The following AKT3 variants were observed in gnomAD, a reference collection of about 807,000 sequenced individuals.
AKT3 encodes RAC-gamma serine/threonine-protein kinase.
A neutral mutation model predicts 65.3 loss-of-function variants in AKT3; 15 were observed. The ratio of observed to expected loss-of-function variants is 0.23; its 90% confidence interval spans 0.15 to 0.35. AKT3 has a LOEUF of 0.35. Among genes scored for constraint, AKT3 ranks in the 10% least tolerant of loss-of-function variants. The pLI is 1.00. For synonymous variants in AKT3, 206 were observed against 183.8 expected (o/e 1.12, Z -0.98); for missense variants, 243 against 576.5 (o/e 0.42, Z 5.92).
At chr1:243,657,214 G>A (rs930627018) in intron 4 of AKT3, among the ~76,000 whole-genome samples, 22 of 152,116 alleles carry the variant, frequency 1.4e-4, no homozygotes, top group African/African-American at 5.1e-4. Context: ...CAATACAGGG[G>A]AAAGACACCT....
chr1:243,560,271 ATCT>A (rs1254329441), intron 10 of AKT3, among the ~76,000 whole-genome samples: 4 of 152,142 alleles, frequency 2.6e-5, no homozygotes, highest in African/African-American at 9.7e-5. Context: ...GGGCAAAAAC[ATCT>A]TCTACCATCG....
At chr1:243,661,112 C>T (rs1484779515) in intron 4 of AKT3, among the ~76,000 whole-genome samples, 12 of 152,144 alleles carry the variant, frequency 7.9e-5, no homozygotes, top group South Asian at 2.1e-4. Context: ...GAATCAATAT[C>T]GTGAAAACGG....
At chr1:243,736,539 A>C (rs1444604778) in intron 2 of AKT3, among the ~76,000 whole-genome samples, 6 of 152,214 alleles carry the variant, frequency 3.9e-5, no homozygotes. Context: ...CCTACCAATA[A>C]AGGTTTAAAA....
intron 13 of AKT3, among the ~76,000 whole-genome samples, chr1:243,492,242 C>G (rs12141898): frequency 1.3e-5 from 2 of 149,352 alleles, no homozygotes; most frequent in Non-Finnish European, 3.0e-5. Flanking sequence ...CCGGCGCTGT[C>G]TGCGGTGGGC....
intron 11 of AKT3, among the ~76,000 whole-genome samples, chr1:243,545,897 T>G (rs1672633451): frequency 6.6e-6 from 1 of 152,146 alleles, no homozygotes; most frequent in African/African-American, 2.4e-5. Flanking sequence ...TAACCTCAGT[T>G]TTCTCATCTG....
chr1:243,777,734 C>T (rs1690647553), intron 2 of AKT3, among the ~76,000 whole-genome samples: 4 of 151,948 alleles, frequency 2.6e-5, no homozygotes, highest in Admixed American at 2.0e-4. Context: ...TAACAGGTGC[C>T]CCATCTCTCA....
intron 5 of AKT3, among the ~76,000 whole-genome samples, chr1:243,644,554 G>T (rs1216812421): frequency 6.6e-6 from 1 of 151,964 alleles, no homozygotes; most frequent in East Asian, 1.9e-4. Context: ...TGTTTAAAGT[G>T]TTTATGTAAT....
At chr1:243,557,566 T>C (rs1353102689) in intron 10 of AKT3, among the ~76,000 whole-genome samples, 2 of 151,996 alleles carry the variant, frequency 1.3e-5, no homozygotes, top group Non-Finnish European at 2.9e-5. Flanking sequence ...AATTATGAGA[T>C]AAAATGGAAT....
rs541356483 is a variant in AKT3 at position 243,834,738 on chromosome 1, TA to T, written c.46+8386del. On this transcript the variant is annotated intron_variant, in intron 2 of 13. Transcript: ENST00000673466. ...TAATGTATTCTGGAAACTAAAAGTT[TA>T]AAAAAAAAAGCTAAGGAAAAGTTCT... 5.5e-5 allele frequency among the ~76,000 whole-genome samples: 8 copies of T among 144,818 alleles called. No homozygotes were observed. The South Asian group carries it at 6.7e-4, about 12-fold the overall frequency.
intron 12 of AKT3, among the ~76,000 whole-genome samples, chr1:243,520,311 C>T (rs1670642553): frequency 1.3e-5 from 2 of 152,212 alleles, no homozygotes; most frequent in Admixed American, 6.5e-5. Context: ...CACGGACAGA[C>T]ACCTCAGAAG....
intron 8 of AKT3, among the ~76,000 whole-genome samples, chr1:243,573,674 T>C (rs983921436): frequency 6.6e-6 from 1 of 152,204 alleles, no homozygotes; most frequent in Non-Finnish European, 1.5e-5. Flanking sequence ...ATTATTCCTA[T>C]TGCAGTTCTC....
chr1:243,589,215 A>T (rs1676027031), intron 8 of AKT3, among the ~76,000 whole-genome samples: 1 of 150,542 alleles, frequency 6.6e-6, no homozygotes, highest in Non-Finnish European at 1.5e-5. Flanking sequence ...CTGAGGCAGG[A>T]GAATCGCTTG....
At chr1:243,627,860 A>G (rs1262357247) in intron 6 of AKT3, among the ~76,000 whole-genome samples, 1 of 152,222 alleles carries the variant, frequency 6.6e-6, no homozygotes, top group Non-Finnish European at 1.5e-5. Flanking sequence ...GCTAAATCCA[A>G]TCCGTAAAAC....
At chr1:243,682,921 T>C (rs187147826) in intron 3 of AKT3, among the ~76,000 whole-genome samples, 82 of 152,348 alleles carry the variant, frequency 5.4e-4, no homozygotes, top group Non-Finnish European at 9.4e-4. Flanking sequence ...TGTAACTGCA[T>C]GTATTAATTG....
At chr1:243,606,801 G>C (rs1677462306) in intron 8 of AKT3, among the ~76,000 whole-genome samples, 1 of 152,234 alleles carries the variant, frequency 6.6e-6, no homozygotes, top group Non-Finnish European at 1.5e-5. Flanking sequence ...AGTTTTGTGG[G>C]CCAGGGCCAG....
At chr1:243,841,585 A>G (rs1480381844) in intron 2 of AKT3, among the ~76,000 whole-genome samples, 3 of 152,256 alleles carry the variant, frequency 2.0e-5, no homozygotes, top group East Asian at 3.8e-4. Context: ...GGTCAGGCAC[A>G]TCGGAAAACA....
chr1:243,775,245 A>G (rs1164316426), intron 2 of AKT3, among the ~76,000 whole-genome samples: 1 of 152,016 alleles, frequency 6.6e-6, no homozygotes, highest in Non-Finnish European at 1.5e-5. Context: ...CAATGGCTCA[A>G]TCTCGGCTCA....
At chr1:243,648,597 G>C (rs1042712627) in intron 4 of AKT3, among the ~76,000 whole-genome samples, 2 of 152,156 alleles carry the variant, frequency 1.3e-5, no homozygotes, top group Non-Finnish European at 1.5e-5. Context: ...TATAAAATAA[G>C]TTGAGAAGTA....
chr1:243,820,825 G>C (rs914522873), intron 2 of AKT3, among the ~76,000 whole-genome samples: 1 of 152,176 alleles, frequency 6.6e-6, no homozygotes, highest in African/African-American at 2.4e-5. Context: ...ACCTGAAAGA[G>C]ATGGGGAAAA....
Sources: allele counts gnomAD v4.1 joint callset (sites outside exome capture counted in the v4.1 genomes callset), GRCh38; gene constraint gnomAD v4.1.1; transcripts MANE v1.5; gene names NCBI Gene and HGNC (gene_info 2026-07-23, HGNC 2026-07-21).